Variants in PFKP observed in about 807,000 individuals in gnomAD.
The protein encoded by PFKP is ATP-dependent 6-phosphofructokinase, platelet type.
Under a neutral mutation model 94.3 loss-of-function variants are expected in PFKP, and 101 were observed. The observed-to-expected ratio is 1.07, with a 90% confidence interval of 0.91 to 1.26. The LOEUF (loss-of-function observed/expected upper bound fraction) is 1.26. Among genes scored for constraint, PFKP ranks in the 50% most tolerant of loss-of-function variants. PFKP has a pLI of 0.00. For missense variants in PFKP, 1,145 were observed against 1,103.3 expected, an observed-to-expected ratio of 1.04 and a Z score of -0.53; for synonymous variants, 573 against 432.6, an observed-to-expected ratio of 1.32 and a Z score of -4.03.
chr10:3,121,922 G>A (rs527714547), intron 16 of PFKP, among the ~76,000 whole-genome samples: 59 of 144,106 alleles, frequency 4.1e-4, no homozygotes, highest in African/African-American at 1.4e-3. Flanking sequence ...CCCAGGCTTA[G>A]GTGATCCTCC....
intron 16 of PFKP, among the ~76,000 whole-genome samples, chr10:3,123,094 C>T (rs566250554): frequency 4.6e-5 from 7 of 152,272 alleles, no homozygotes; most frequent in Middle Eastern, 3.4e-3. Flanking sequence ...AGAATCTATG[C>T]GGTGCTGGTG....
intron 11 of PFKP, 64 bp from the exon 12 acceptor site, chr10:3,113,055 C>T (rs1461520895): frequency 2.5e-5 from 36 of 1,460,918 alleles, no homozygotes; most frequent in East Asian, 4.8e-5. Context: ...ACCTTTTCTC[C>T]ACATGAGCCC....
Position 3,113,139 on chromosome 10 carries a change from A to T in PFKP, c.1175A>T (p.Asn392Ile). The change falls in exon 12 of 22, where the codon AAC (asparagine) becomes ATC (isoleucine). Residue 392 changes from asparagine to isoleucine, a missense_variant. By Grantham distance (149) the Asn-to-Ile change is moderately radical. This residue lies in a region of PFKP where 1,119 missense variants were observed against 1,062.8 expected (regional missense o/e 1.05). Coordinates refer to ENST00000381125, the MANE Select transcript of PFKP (RefSeq NM_002627.5). Reference sequence around the variant, plus strand: ...TTTAGGAGCTTTGCGGGCAACCTGAACACCTACAAGCGACTTGCCATCAAG... The same window carrying T: ...TTTAGGAGCTTTGCGGGCAACCTGATCACCTACAAGCGACTTGCCATCAAG... Reference protein sequence around the residue: ...LRGRSFAGNLNTYKRLAIKLP... With the variant: ...LRGRSFAGNLITYKRLAIKLP... The T allele has an allele frequency of 6.2e-7, 1 of 1,613,314 alleles. No homozygotes were observed. The highest frequency in any genetic ancestry group is 8.5e-7 in the Non-Finnish European group (1 of 1,179,724).
intron 2 of PFKP, among the ~76,000 whole-genome samples, chr10:3,096,373 T>C (rs1393811404): frequency 6.6e-6 from 1 of 152,168 alleles, no homozygotes; most frequent in East Asian, 1.9e-4. Flanking sequence ...CCCCGGTCTC[T>C]TTATTTACCA....
chr10:3,079,396 G>A (rs1420842918), intron 1 of PFKP, among the ~76,000 whole-genome samples: 1 of 151,854 alleles, frequency 6.6e-6, no homozygotes, highest in Non-Finnish European at 1.5e-5. Flanking sequence ...CACCACGCCT[G>A]GCTAATTTTT....
intron 1 of PFKP, among the ~76,000 whole-genome samples, chr10:3,074,565 C>A (rs1042060135): frequency 3.9e-5 from 6 of 152,104 alleles, no homozygotes; most frequent in African/African-American, 1.4e-4. Flanking sequence ...GGGTGGGGCA[C>A]GTGGCAGGGC....
chr10:3,109,229 T>C, intron 9 of PFKP, 126 bp from the exon 10 acceptor site: 4 of 1,255,394 alleles, frequency 3.2e-6, no homozygotes, highest in Non-Finnish European at 4.6e-6. Flanking sequence ...TCTAAAGAGT[T>C]GGGCTGGAAG....
chr10:3,116,574 G>A (rs1836846315), intron 13 of PFKP, among the ~76,000 whole-genome samples: 1 of 152,156 alleles, frequency 6.6e-6, no homozygotes, highest in African/African-American at 2.4e-5. Context: ...CAGCCCCTCT[G>A]CTGCTCTTCA....
rs1406751583 is a variant in PFKP at position 3,129,735 on chromosome 10, C to A, written c.1684-84C>A. 31 of 1,454,732 alleles carry A rather than the reference C, an allele frequency of 2.1e-5. No homozygotes were observed. In the South Asian group the frequency reaches 3.5e-4, roughly 16 times the overall value. 90.1% of individuals were successfully genotyped at this position (1,454,732 alleles called of 1,614,324 possible). On this transcript the variant is annotated intron_variant, in intron 16 of 21. Transcript: ENST00000381125. ...GTTTGGGCGCGGTGGGGGGGCCTTG[C>A]TGCACTCACTCTTGGGGGAGCTCTG...
chr10:3,118,717 T>A (rs1837083812), intron 14 of PFKP, 65 bp from the exon 15 acceptor site: 17 of 1,154,596 alleles, frequency 1.5e-5, no homozygotes, highest in Non-Finnish European at 2.2e-5. Context: ...GGGACCGGCG[T>A]GGCGTCCTGC....
At position 3,133,271 on chromosome 10, in the gene PFKP, G is replaced by T; in HGVS notation, c.1979G>T (p.Gly660Val). 1 of 1,614,160 alleles carries T rather than the reference G, an allele frequency of 6.2e-7. No homozygotes were observed. The highest frequency in any genetic ancestry group is 1.1e-5 in the South Asian group (1 of 91,090). The stretch of plus-strand genomic sequence containing the variant: ...CAGCTGTATTCAGAAGAGGGCAAAG[G>T]CGTGTTTGACTGCAGGAAGAACGTG... ...IYQLYSEEGK[G>V]VFDCRKNVLG... Residue 660 changes from glycine to valine, a missense_variant, in exon 19 of 22, where the codon GGC becomes GTC. Gly to Val is a moderately radical substitution (Grantham distance 109, BLOSUM62 -3). Transcript: ENST00000381125.
intron 2 of PFKP, among the ~76,000 whole-genome samples, chr10:3,092,470 C>T (rs1588438499): frequency 6.6e-6 from 1 of 151,892 alleles, no homozygotes; most frequent in East Asian, 1.9e-4. Flanking sequence ...GCGGAGTAGG[C>T]TGGCTGTGTT....
intron 10 of PFKP, among the ~76,000 whole-genome samples, chr10:3,111,896 C>T (rs1836271364): frequency 6.6e-6 from 1 of 152,156 alleles, no homozygotes. Flanking sequence ...ATTTCATTTC[C>T]TCTGGCTTTG....
intron 2 of PFKP, among the ~76,000 whole-genome samples, chr10:3,091,802 A>C (rs1049753922): frequency 6.6e-6 from 1 of 152,110 alleles, no homozygotes; most frequent in African/African-American, 2.4e-5. Context: ...AAAAGAAAAA[A>C]GTCTTTTATC....
chr10:3,120,115 T>G, intron 16 of PFKP, 71 bp downstream of exon 16: 1 of 1,249,520 alleles, frequency 8.0e-7, no homozygotes, highest in Non-Finnish European at 1.2e-6. Context: ...CCTTTTTATC[T>G]ACCAGTGCGC....
intron 16 of PFKP, chr10:3,129,341 A>AAAATCAC (rs1838294163): frequency 1.3e-5 from 2 of 153,284 alleles, no homozygotes. Flanking sequence ...CCGCACCTCT[A>AAAATCAC]AAATCACAGG....
intron 1 of PFKP, among the ~76,000 whole-genome samples, chr10:3,071,458 T>A: frequency 6.7e-6 from 1 of 148,730 alleles, no homozygotes; most frequent in Non-Finnish European, 1.5e-5. Flanking sequence ...TTCTTTCTCT[T>A]CTTCTGCCTC....
rs777788411 is a variant in PFKP, at chr10:3,120,014, G to C, written c.1653G>C (p.Gly551=). ...TGCCGGGTTCCGATTTCAGCATCGG[G>C]GCAGACACCGCCCTGAACACTATCA... ...NNVPGSDFSI[G]ADTALNTITD... The change falls in exon 16 of 22, where the codon GGG becomes GGC. Residue 551 remains glycine, a synonymous_variant. Coordinates refer to ENST00000381125, the MANE Select transcript of PFKP (RefSeq NM_002627.5). The C allele has an allele frequency of 9.3e-6, 15 of 1,614,046 alleles. No individual in the cohort carries two copies. The highest frequency in any genetic ancestry group is 1.3e-5 in the Non-Finnish European group (15 of 1,180,036).
At chr10:3,121,803 C>CTT (rs759926178) in intron 16 of PFKP, among the ~76,000 whole-genome samples, 722 of 32,570 alleles carry the variant, frequency 0.022, 62 homozygotes, top group South Asian at 0.042. Flanking sequence ...CTTTTTTTTT[C>CTT]TTTTTTTTTT....
Sources: gnomAD v4.1 joint callset for allele counts (sites outside exome capture counted in the v4.1 genomes callset) on GRCh38, gnomAD v4.1.1 for gene constraint, gnomAD v4.1.1 regional missense constraint, MANE v1.5 for transcripts, NCBI Gene and HGNC (gene_info 2026-07-23, HGNC 2026-07-21) for gene names.